RHOJ: variants seen among roughly 807,000 people sequenced by gnomAD.
RHOJ encodes ras homolog family member J, also known as rho-related GTP-binding protein RhoJ.
A neutral mutation model predicts 23.4 loss-of-function variants in RHOJ; 11 were observed. The observed-to-expected ratio is 0.47, with a 90% CI of 0.30 to 0.78. The LOEUF is 0.78. RHOJ is among the 30% of genes least tolerant of loss of function. The pLI, the probability that RHOJ is intolerant of heterozygous loss-of-function variation, is 0.08. For synonymous variants in RHOJ, 102 were observed against 102.7 expected (o/e 0.99, Z 0.04); for missense variants, 254 against 273.4 (o/e 0.93, Z 0.50).
chr14:63,257,121 C>A (rs1895181921), intron 1 of RHOJ, among the ~76,000 whole-genome samples: 1 of 148,234 alleles, frequency 6.7e-6, no homozygotes, highest in African/African-American at 2.5e-5. Flanking sequence ...GCCTGTAGTC[C>A]CAGCTACTAA....
At chr14:63,269,883 C>G (rs998841237) in intron 2 of RHOJ, among the ~76,000 whole-genome samples, 1 of 152,176 alleles carries the variant, frequency 6.6e-6, no homozygotes, top group Non-Finnish European at 1.5e-5. Flanking sequence ...CTGTCTTTCC[C>G]AGCATCCCAC....
intron 4 of RHOJ, among the ~76,000 whole-genome samples, chr14:63,283,516 T>C (rs1450102183): frequency 6.6e-6 from 1 of 152,252 alleles, no homozygotes; most frequent in African/African-American, 2.4e-5. Context: ...ATATTTAGTA[T>C]GAATATAGGG....
At position 63,239,931 on chromosome 14, in the gene RHOJ, C is replaced by T. The variant is rs80219274; in HGVS notation, c.179-29179C>T. Among the ~76,000 whole-genome samples, 696 of 152,192 alleles carry T rather than the reference C, an allele frequency of 4.6e-3. 30 individuals carry two copies. In the East Asian group the frequency reaches 0.11, roughly 23 times the overall value. ...GACTAGAGATGAAATTCTGAAGAAC[C>T]GAAATAAAAACTTGTGTGGATGTCT... On this transcript the variant is annotated intron_variant, in intron 1 of 4. Coordinates refer to ENST00000316754, the MANE Select transcript of RHOJ (RefSeq NM_020663.5).
chr14:63,290,770 C>G, intron 4 of RHOJ, 108 bp from the exon 5 acceptor site: 1 of 998,586 alleles, frequency 1.0e-6, no homozygotes, highest in Non-Finnish European at 1.4e-6. Flanking sequence ...ACCCCACAGG[C>G]TGTTTGTAGG....
chr14:63,224,461 A>T (rs899160564), intron 1 of RHOJ, among the ~76,000 whole-genome samples: 1 of 152,180 alleles, frequency 6.6e-6, no homozygotes, highest in Middle Eastern at 3.4e-3. Context: ...GGGGAGGGGG[A>T]TCGGCACAGC....
intron 2 of RHOJ, among the ~76,000 whole-genome samples, chr14:63,277,586 G>A (rs949149031): frequency 6.6e-6 from 1 of 152,154 alleles, no homozygotes; most frequent in East Asian, 1.9e-4. Context: ...AGTGCCACGT[G>A]TTCATTTGCA....
At chr14:63,242,854 GC>G (rs752745513) in intron 1 of RHOJ, among the ~76,000 whole-genome samples, 1 of 152,138 alleles carries the variant, frequency 6.6e-6, no homozygotes, top group East Asian at 1.9e-4. Context: ...AAAATGAAAT[GC>G]CACAATTTTT....
chr14:63,290,758 C>T (rs1882223095), intron 4 of RHOJ, 120 bp from the exon 5 acceptor site: 1 of 808,806 alleles, frequency 1.2e-6, no homozygotes. Context: ...ATAATCCAAA[C>T]CACCCCACAG....
chr14:63,256,533 C>T (rs1895168634), intron 1 of RHOJ, among the ~76,000 whole-genome samples: 1 of 152,170 alleles, frequency 6.6e-6, no homozygotes, highest in South Asian at 2.1e-4. Flanking sequence ...CCCAATCATA[C>T]TCACACGTGG....
chr14:63,217,164 G>A (rs540111337), intron 1 of RHOJ, among the ~76,000 whole-genome samples: 23 of 150,256 alleles, frequency 1.5e-4, no homozygotes, highest in Admixed American at 5.3e-4. Context: ...GTATACATGT[G>A]CCATGCTGGT....
chr14:63,225,135 T>C (rs1894568133), intron 1 of RHOJ, among the ~76,000 whole-genome samples: 1 of 152,120 alleles, frequency 6.6e-6, no homozygotes, highest in Non-Finnish European at 1.5e-5. Context: ...GTATTTTTAG[T>C]AGAGACTGGG....
chr14:63,219,934 G>A (rs528271697), intron 1 of RHOJ, among the ~76,000 whole-genome samples: 3 of 152,122 alleles, frequency 2.0e-5, no homozygotes, highest in South Asian at 4.2e-4. Flanking sequence ...TTAACTTAAC[G>A]AGCAGCTCCT....
In RHOJ at chr14:63,283,199, G is replaced by A. The variant is rs1881969252; in HGVS notation, c.481G>A (p.Val161Met). Residue 161 changes from valine to methionine, a missense_variant, in exon 4 of 5, where the codon GTG becomes ATG. Transcript: ENST00000316754. ...GAAACCTCTCACTTACGAGCATGGTGTGAAGCTCGCAAAAGCGGTACAGTC... is the reference window on the plus strand; with the variant it reads ...GAAACCTCTCACTTACGAGCATGGTATGAAGCTCGCAAAAGCGGTACAGTC... Reference protein sequence around the residue: ...KEKPLTYEHGVKLAKAIGAQC... With the variant: ...KEKPLTYEHGMKLAKAIGAQC... 2 of 1,613,764 alleles carry A rather than the reference G, an allele frequency of 1.2e-6. No homozygotes were observed. Among genetic ancestry groups the A allele is most frequent in the Non-Finnish European group, 1.7e-6 (2 of 1,179,682 alleles).
intron 1 of RHOJ, among the ~76,000 whole-genome samples, chr14:63,252,233 C>T (rs1267329815): frequency 6.6e-6 from 1 of 152,186 alleles, no homozygotes; most frequent in Non-Finnish European, 1.5e-5. Flanking sequence ...TGAGCCCTTC[C>T]ACAGCACCTC....
At chr14:63,239,948 TG>T (rs928641089) in intron 1 of RHOJ, among the ~76,000 whole-genome samples, 1 of 152,198 alleles carries the variant, frequency 6.6e-6, no homozygotes, top group Non-Finnish European at 1.5e-5. Flanking sequence ...AAAACTTGTG[TG>T]GATGTCTGAA....
intron 2 of RHOJ, among the ~76,000 whole-genome samples, chr14:63,270,444 TG>T (rs1895448023): frequency 2.0e-5 from 3 of 152,178 alleles, no homozygotes; most frequent in Admixed American, 1.3e-4. Flanking sequence ...CGCCAGGAAC[TG>T]GGAGTGGTAG....
rs1894620093 is a variant in RHOJ at position 63,227,685 on chromosome 14, T to C, written c.178+22638T>C. Among the ~76,000 whole-genome samples, 4 of 152,130 alleles carry C rather than the reference T, an allele frequency of 2.6e-5. No individual in the cohort carries two copies. In the South Asian group the frequency reaches 8.3e-4, roughly 32 times the overall value. Reference sequence around the variant, plus strand: ...CAGTACTTTATAGAAAGTCAAAACATAGAAAATGCAAAGGGGACTTTCGCA... The same window carrying C: ...CAGTACTTTATAGAAAGTCAAAACACAGAAAATGCAAAGGGGACTTTCGCA... On this transcript the variant is annotated intron_variant, in intron 1 of 4. Coordinates refer to ENST00000316754, the MANE Select transcript of RHOJ (RefSeq NM_020663.5).
At chr14:63,240,335 G>C (rs1015930182) in intron 1 of RHOJ, among the ~76,000 whole-genome samples, 2 of 152,146 alleles carry the variant, frequency 1.3e-5, no homozygotes, top group African/African-American at 4.8e-5. Context: ...AAACCATTAA[G>C]TGTTTTTTGG....
intron 1 of RHOJ, among the ~76,000 whole-genome samples, chr14:63,245,842 C>A (rs541150383): frequency 6.6e-6 from 1 of 152,274 alleles, no homozygotes; most frequent in East Asian, 1.9e-4. Flanking sequence ...TGCAGTGGCC[C>A]AGGCCATCAG....
Sources: gnomAD v4.1 joint callset for allele counts (sites outside exome capture counted in the v4.1 genomes callset) on GRCh38, gnomAD v4.1.1 for gene constraint, MANE v1.5 for transcripts, NCBI Gene and HGNC (gene_info 2026-07-23, HGNC 2026-07-21) for gene names.